The following KIAA0319L variants were observed in gnomAD, a reference collection of about 807,000 sequenced individuals.
KIAA0319L encodes dyslexia-associated protein KIAA0319-like protein.
A neutral mutation model predicts 120.1 loss-of-function variants in KIAA0319L; 55 were observed. The observed-to-expected ratio is 0.46, with a 90% CI of 0.37 to 0.57. The LOEUF (loss-of-function observed/expected upper bound fraction) is 0.57. KIAA0319L is among the 20% of genes least tolerant of loss of function. KIAA0319L has a pLI of 0.00. For missense variants in KIAA0319L, 1,049 were observed against 1,255.3 expected, an observed-to-expected ratio of 0.84 and a Z score of 2.48; for synonymous variants, 398 against 471.9, an observed-to-expected ratio of 0.84 and a Z score of 2.03.
intron 3 of KIAA0319L, among the ~76,000 whole-genome samples, chr1:35,486,063 C>T (rs538147984): frequency 6.6e-6 from 1 of 152,326 alleles, no homozygotes; most frequent in South Asian, 2.1e-4. Context: ...CAGACTTCCA[C>T]TGTACCTACT....
chr1:35,551,649 T>A (rs147218708), intron 2 of KIAA0319L, among the ~76,000 whole-genome samples: 1 of 151,938 alleles, frequency 6.6e-6, no homozygotes, highest in African/African-American at 2.4e-5. Context: ...GATATTCCTT[T>A]TAAAAAAAAA....
intron 5 of KIAA0319L, among the ~76,000 whole-genome samples, chr1:35,471,338 T>C: frequency 1.3e-5 from 2 of 152,212 alleles, no homozygotes; most frequent in Non-Finnish European, 2.9e-5. Flanking sequence ...AAAACTTCTT[T>C]TGCAACAAAG....
intron 5 of KIAA0319L, 151 bp from the exon 6 acceptor site, chr1:35,471,111 T>A (rs1358544873): frequency 4.9e-6 from 3 of 614,980 alleles, no homozygotes; most frequent in Non-Finnish European, 8.8e-6. Flanking sequence ...AACCAAACCA[T>A]CTGCTGAAAG....
At chr1:35,493,143 A>G (rs1188044250) in intron 3 of KIAA0319L, among the ~76,000 whole-genome samples, 1 of 152,214 alleles carries the variant, frequency 6.6e-6, no homozygotes, top group African/African-American at 2.4e-5. Context: ...AGAAAATCCT[A>G]TGGAATCTAT....
chr1:35,505,382 T>A (rs1226646634), intron 3 of KIAA0319L, among the ~76,000 whole-genome samples: 1 of 152,200 alleles, frequency 6.6e-6, no homozygotes, highest in Non-Finnish European at 1.5e-5. Flanking sequence ...ATCCTACACA[T>A]CCTTCAAGAA....
In KIAA0319L at chr1:35,485,788, T is replaced by C. The variant is rs144252482; in HGVS notation, c.667-6576A>G. Reference sequence around the variant, plus strand: ...CTACCCCCTCTGGCAGAAAATTTGCTAGTGTTATTTATTTATTTTTTTTCC... The same window carrying C: ...CTACCCCCTCTGGCAGAAAATTTGCCAGTGTTATTTATTTATTTTTTTTCC... On this transcript the variant is annotated intron_variant, in intron 3 of 20. Coordinates refer to ENST00000325722, the MANE Select transcript of KIAA0319L (RefSeq NM_024874.5). Among the ~76,000 whole-genome samples, 508 of 152,308 alleles carry C rather than the reference T, an allele frequency of 3.3e-3. 2 individuals carry two copies. Among genetic ancestry groups the C allele is most frequent in the Non-Finnish European group, 4.7e-3 (317 of 68,022 alleles).
intron 13 of KIAA0319L, 98 bp from the exon 14 acceptor site, chr1:35,450,607 T>C: frequency 1.7e-6 from 2 of 1,204,874 alleles, no homozygotes; most frequent in East Asian, 4.8e-5. Context: ...CAAGAGTACC[T>C]TAACTGGAGA....
chr1:35,434,861 C>T lies in KIAA0319L; in HGVS notation c.*33G>A, dbSNP rs1325537448. ...GTAGGAGGACTGGCCGGGCAGTGTG[C>T]TGGGCCCTGCCCTGAGGAGACAGAC... is the stretch of plus-strand genomic sequence containing the variant. On this transcript the variant is annotated 3_prime_UTR_variant, in exon 21 of 21. Coordinates refer to ENST00000325722, the MANE Select transcript of KIAA0319L (RefSeq NM_024874.5). The T allele has an allele frequency of 6.3e-7, 1 of 1,594,764 alleles. No homozygotes were observed. Among genetic ancestry groups the T allele is most frequent in the Non-Finnish European group, 8.6e-7 (1 of 1,169,014 alleles).
At chr1:35,463,552 C>T (rs1188612981) in intron 7 of KIAA0319L, among the ~76,000 whole-genome samples, 1 of 152,202 alleles carries the variant, frequency 6.6e-6, no homozygotes, top group Admixed American at 6.5e-5. Context: ...CTGGTCCACC[C>T]AAATGACTGT....
intron 2 of KIAA0319L, among the ~76,000 whole-genome samples, chr1:35,514,000 C>T (rs1308079262): frequency 3.3e-5 from 5 of 152,138 alleles, no homozygotes; most frequent in Non-Finnish European, 1.5e-5. Flanking sequence ...CCCTCTAAAA[C>T]AATTCAAAGT....
chr1:35,485,855 T>C (rs973496113), intron 3 of KIAA0319L, among the ~76,000 whole-genome samples: 10 of 152,220 alleles, frequency 6.6e-5, no homozygotes, highest in African/African-American at 1.7e-4. Flanking sequence ...AGTTCCAGGC[T>C]GGTTGGAACT....
At chr1:35,454,294 C>T in intron 11 of KIAA0319L, 68 bp downstream of exon 11, 1 of 1,575,016 alleles carries the variant, frequency 6.3e-7, no homozygotes, top group Non-Finnish European at 8.7e-7. Context: ...CAGAACCCAA[C>T]ACTCTTTTCC....
intron 2 of KIAA0319L, among the ~76,000 whole-genome samples, chr1:35,515,866 G>A (rs1228937532): frequency 1.4e-5 from 2 of 147,894 alleles, no homozygotes; most frequent in East Asian, 2.0e-4. Flanking sequence ...ATGATGAAGA[G>A]GATGTTACCA....
intron 10 of KIAA0319L, among the ~76,000 whole-genome samples, chr1:35,455,388 T>G (rs1211883274): frequency 6.6e-6 from 1 of 152,062 alleles, no homozygotes; most frequent in African/African-American, 2.4e-5. Context: ...TGGTGACAGA[T>G]CTAGTCTCTC....
intron 2 of KIAA0319L, among the ~76,000 whole-genome samples, chr1:35,525,158 G>C (rs1200345506): frequency 6.6e-6 from 1 of 152,064 alleles, no homozygotes; most frequent in African/African-American, 2.4e-5. Context: ...TTCTATCCAT[G>C]TTGCTGTAAA....
chr1:35,513,895 T>C (rs926621378), intron 2 of KIAA0319L, among the ~76,000 whole-genome samples: 1 of 152,220 alleles, frequency 6.6e-6, no homozygotes, highest in Non-Finnish European at 1.5e-5. Context: ...CACATTCATT[T>C]ACAGAGGCCA....
chr1:35,493,206 G>A (rs1179936023), intron 3 of KIAA0319L, among the ~76,000 whole-genome samples: 3 of 152,036 alleles, frequency 2.0e-5, no homozygotes, highest in African/African-American at 7.2e-5. Context: ...CAAGATACAA[G>A]ACCAATATAC....
At chr1:35,480,640 G>A (rs138764518) in intron 3 of KIAA0319L, among the ~76,000 whole-genome samples, 37 of 152,128 alleles carry the variant, frequency 2.4e-4, no homozygotes, top group African/African-American at 7.2e-4. Flanking sequence ...AATTTAGCTG[G>A]GCATGGTGGT....
chr1:35,529,435 G>T (rs983176490), intron 2 of KIAA0319L, among the ~76,000 whole-genome samples: 1 of 152,190 alleles, frequency 6.6e-6, no homozygotes, highest in Non-Finnish European at 1.5e-5. Flanking sequence ...CATGATGGTA[G>T]ATATTATCCT....
Sources: gnomAD v4.1 joint callset for allele counts (sites outside exome capture counted in the v4.1 genomes callset) on GRCh38, gnomAD v4.1.1 for gene constraint, MANE v1.5 for transcripts, NCBI Gene and HGNC (gene_info 2026-07-23, HGNC 2026-07-21) for gene names.